The following CMSS1 variants were observed in gnomAD, a reference collection of about 807,000 sequenced individuals.
CMSS1 encodes protein CMSS1.
Under a neutral mutation model 43.5 loss-of-function variants are expected in CMSS1, and 33 were observed. The ratio of observed to expected loss-of-function variants is 0.76; its 90% CI spans 0.57 to 1.01. CMSS1 has a LOEUF of 1.01. CMSS1 is among the 50% of genes least tolerant of loss of function. The pLI is 0.00. For synonymous variants in CMSS1, 115 were observed against 117.2 expected (o/e 0.98, Z 0.12); for missense variants, 313 against 326.4 (o/e 0.96, Z 0.32).
chr3:100,162,534 A>C lies in CMSS1; in HGVS notation c.355+102A>C, dbSNP rs1180326763. On this transcript the variant is annotated intron_variant, in intron 4 of 9. Transcript: ENST00000421999. ...TCAATTAACACATTTTCCAGCGGGC[A>C]TGGTGGCTCATGCCTATAATCCCAG... 5.7e-6 allele frequency: 7 copies of C among 1,233,520 alleles called. No individual in the cohort carries two copies. The African/African-American group carries it at 9.1e-5, about 16-fold the overall frequency. 76.4% of individuals were successfully genotyped at this position (1,233,520 alleles called of 1,614,324 possible).
intron 1 of CMSS1, among the ~76,000 whole-genome samples, chr3:100,068,704 T>C (rs1447755327): frequency 1.3e-5 from 2 of 152,226 alleles, no homozygotes; most frequent in Non-Finnish European, 2.9e-5. Flanking sequence ...CTCGGCTTAC[T>C]GCAACCTCTA....
At chr3:99,832,060 AC>A (rs1942687002) in intron 1 of CMSS1, among the ~76,000 whole-genome samples, 1 of 152,114 alleles carries the variant, frequency 6.6e-6, no homozygotes, top group African/African-American at 2.4e-5. Flanking sequence ...GGTCACTGAT[AC>A]TTTCAGGCCC....
At chr3:99,893,162 C>CTTTT (rs1200176411) in intron 1 of CMSS1, among the ~76,000 whole-genome samples, 5 of 107,620 alleles carry the variant, frequency 4.6e-5, no homozygotes, top group Non-Finnish European at 5.8e-5. Context: ...GGCATCTAGA[C>CTTTT]TTTTTTTTTT....
chr3:100,170,773 G>A (rs1395735670), intron 6 of CMSS1, among the ~76,000 whole-genome samples: 1 of 152,192 alleles, frequency 6.6e-6, no homozygotes, highest in African/African-American at 2.4e-5. Context: ...CTCAGAGCTG[G>A]TGGTCTGGAT....
intron 1 of CMSS1, among the ~76,000 whole-genome samples, chr3:99,985,404 C>T (rs1482101692): frequency 1.3e-5 from 2 of 151,830 alleles, no homozygotes; most frequent in East Asian, 3.9e-4. Context: ...TGGTGGTGCA[C>T]GCCTGTGGTA....
intron 1 of CMSS1, among the ~76,000 whole-genome samples, chr3:100,078,372 G>A (rs921222631): frequency 3.3e-5 from 5 of 152,030 alleles, no homozygotes; most frequent in African/African-American, 9.7e-5. Flanking sequence ...CATGTAGAAC[G>A]ATGACATAAC....
intron 1 of CMSS1, among the ~76,000 whole-genome samples, chr3:99,957,693 C>CTTTCTTTTTTTTTTTTTTTTTT (rs1708364770): frequency 5.0e-5 from 1 of 19,894 alleles, no homozygotes; most frequent in African/African-American, 1.7e-4. Context: ...TTCTTTCTTT[C>CTTTCTTTTTTTTTTTTTTTTTT]TTTTTTTTTT....
At chr3:99,953,703 A>G (rs564223385) in intron 1 of CMSS1, among the ~76,000 whole-genome samples, 2 of 152,342 alleles carry the variant, frequency 1.3e-5, no homozygotes, top group South Asian at 4.1e-4. Context: ...TTCTACTGGA[A>G]TGTGCTTTTC....
At position 99,929,236 on chromosome 3, in the gene CMSS1, G is replaced by A. The variant is rs554202532; in HGVS notation, c.64+111193G>A. Among the ~76,000 whole-genome samples the A allele has an allele frequency of 4.6e-5, 7 of 152,306 alleles. No homozygotes were observed. In the East Asian group the frequency reaches 1.2e-3, roughly 25 times the overall value. The stretch of plus-strand genomic sequence containing the variant: ...GCAGTACTGCCTTCTCCCTAGTGGT[G>A]GCCCTGTTGGGACTGCCCACCTTTG... On this transcript the variant is annotated intron_variant, in intron 1 of 9. Transcript: ENST00000421999.
intron 1 of CMSS1, among the ~76,000 whole-genome samples, chr3:100,041,984 C>CT (rs1388154651): frequency 2.0e-5 from 3 of 152,212 alleles, no homozygotes; most frequent in African/African-American, 7.2e-5. Context: ...CTTCCTCTTT[C>CT]TTCAGCTATA....
intron 1 of CMSS1, among the ~76,000 whole-genome samples, chr3:99,988,939 T>C (rs1365052312): frequency 6.6e-6 from 1 of 152,220 alleles, no homozygotes; most frequent in African/African-American, 2.4e-5. Context: ...TTTTCAAATT[T>C]CTGTACGGAA....
At chr3:100,089,048 G>A (rs1052744026) in intron 1 of CMSS1, among the ~76,000 whole-genome samples, 6 of 152,166 alleles carry the variant, frequency 3.9e-5, no homozygotes, top group Admixed American at 2.0e-4. Flanking sequence ...CCTCTGCTCT[G>A]TAAGGCACCA....
chr3:99,980,178 TG>T (rs929070817), intron 1 of CMSS1, among the ~76,000 whole-genome samples: 3 of 152,166 alleles, frequency 2.0e-5, no homozygotes, highest in Non-Finnish European at 2.9e-5. Context: ...AGTAGTTTAT[TG>T]GACACTCGGA....
chr3:99,888,617 A>G (rs1275634406), intron 1 of CMSS1, among the ~76,000 whole-genome samples: 1 of 152,152 alleles, frequency 6.6e-6, no homozygotes, highest in Non-Finnish European at 1.5e-5. Flanking sequence ...TTTTAGGTAC[A>G]CCCTCCTAAC....
chr3:100,046,300 T>G (rs1373877337), intron 1 of CMSS1, among the ~76,000 whole-genome samples: 1 of 152,216 alleles, frequency 6.6e-6, no homozygotes, highest in Admixed American at 6.5e-5. Flanking sequence ...CACTCCTCCT[T>G]ATGCCTCAGA....
intron 1 of CMSS1, chr3:99,849,752 T>C (rs757389027): frequency 6.2e-7 from 1 of 1,613,868 alleles, no homozygotes; most frequent in Non-Finnish European, 8.5e-7. Flanking sequence ...ATGGCTTTCA[T>C]GTCCTTTAGC....
At chr3:100,028,187 A>G (rs2064961697) in intron 1 of CMSS1, among the ~76,000 whole-genome samples, 2 of 152,208 alleles carry the variant, frequency 1.3e-5, no homozygotes. Context: ...ACATCATTCC[A>G]TTGAGTTAAA....
In CMSS1 at chr3:100,178,429, T is replaced by A; in HGVS notation, c.*41T>A. 7.9e-7 allele frequency: 1 copy of A among 1,263,586 alleles called. No homozygotes were observed. The highest frequency in any genetic ancestry group is 1.2e-6 in the Non-Finnish European group (1 of 869,430). 78.3% of individuals were successfully genotyped at this position (1,263,586 alleles called of 1,614,324 possible). A position where few individuals can be genotyped will look rare whatever the true frequency, so the allele number is the denominator to read the frequency against. ...AAGATTCCAGTTTTCACAGTAGAAG[T>A]TGCATCTTATTTAATGACTCTGATA... is the stretch of plus-strand genomic sequence containing the variant. On this transcript the variant is annotated 3_prime_UTR_variant, in exon 10 of 10. Transcript: ENST00000421999.
intron 2 of CMSS1, among the ~76,000 whole-genome samples, chr3:100,158,714 C>T (rs1289172765): frequency 1.3e-5 from 2 of 152,176 alleles, no homozygotes; most frequent in African/African-American, 2.4e-5. Flanking sequence ...AAGCATGTTT[C>T]GTTTTCCTGT....
Sources: gnomAD v4.1 joint callset for allele counts (sites outside exome capture counted in the v4.1 genomes callset) on GRCh38, gnomAD v4.1.1 for gene constraint, MANE v1.5 for transcripts, NCBI Gene and HGNC (gene_info 2026-07-23, HGNC 2026-07-21) for gene names.